MALRD1: variants seen among roughly 807,000 people sequenced by gnomAD.
The protein encoded by MALRD1 is MAM and LDL receptor class A domain containing 1.
In MALRD1, 247 loss-of-function variants were observed where a neutral mutation model predicts 242.1. The observed-to-expected ratio is 1.02, with a 90% CI of 0.92 to 1.13. MALRD1 has a LOEUF of 1.13. Ranked by LOEUF, MALRD1 falls within the 50% of genes most tolerant of loss-of-function variation. The pLI, the probability that MALRD1 is intolerant of heterozygous loss-of-function variation, is 0.00. For synonymous variants in MALRD1, 995 were observed against 866.6 expected, an observed-to-expected ratio of 1.15 and a Z score of -2.60; for missense variants, 2,989 against 2,533.1, an observed-to-expected ratio of 1.18 and a Z score of -3.86.
At position 19,734,198 on chromosome 10, in the gene MALRD1, A is replaced by G. The variant is rs1339104795; in HGVS notation, c.6432A>G (p.Thr2144=). The part of the protein sequence containing the change: ...YSFSNPLYGT[T]SGSLETLSHH... ...TCTCAAACCCATTATATGGCACAAC[A>G]TCAGGAAGCCTGGAGACCCTGTCAC... is the stretch of plus-strand genomic sequence containing the variant. Residue 2144 remains threonine (T), a synonymous_variant, in exon 40 of 40, where the codon ACA becomes ACG. Coordinates refer to ENST00000454679, the MANE Select transcript of MALRD1 (RefSeq NM_001142308.3). 6.5e-7 allele frequency: 1 copy of G among 1,535,904 alleles called. No individual in the cohort carries two copies. The highest frequency in any genetic ancestry group is 1.4e-5 in the African/African-American group (1 of 73,038).
intron 11 of MALRD1, among the ~76,000 whole-genome samples, chr10:19,154,268 A>G (rs1019866805): frequency 2.2e-4 from 34 of 152,206 alleles, no homozygotes; most frequent in African/African-American, 7.5e-4. Context: ...ATAAAATAAT[A>G]CATTCTAATT....
intron 33 of MALRD1, among the ~76,000 whole-genome samples, chr10:19,592,952 C>G (rs1837894171): frequency 6.6e-6 from 1 of 150,872 alleles, no homozygotes; most frequent in Non-Finnish European, 1.5e-5. Flanking sequence ...TTTGCTAAAT[C>G]TTTTCAACCT....
intron 19 of MALRD1, among the ~76,000 whole-genome samples, chr10:19,271,938 A>G (rs1384173163): frequency 1.3e-5 from 2 of 152,192 alleles, no homozygotes; most frequent in African/African-American, 4.8e-5. Context: ...AATCAGCAAG[A>G]AAAACACTGG....
intron 26 of MALRD1, 149 bp from the exon 27 acceptor site, chr10:19,387,377 GGA>G (rs1415508772): frequency 1.9e-4 from 153 of 823,560 alleles, no homozygotes; most frequent in Non-Finnish European, 2.3e-4. Context: ...GAGCAGAGTG[GGA>G]GAGAGAGAGA....
At chr10:19,597,715 G>T (rs74122016) in intron 34 of MALRD1, among the ~76,000 whole-genome samples, 1 of 152,166 alleles carries the variant, frequency 6.6e-6, no homozygotes, top group African/African-American at 2.4e-5. Flanking sequence ...AAGGAGGCTA[G>T]TCAGTGAAAG....
At chr10:19,050,367 G>C (rs1834455615) in intron 1 of MALRD1, among the ~76,000 whole-genome samples, 1 of 151,296 alleles carries the variant, frequency 6.6e-6, no homozygotes, top group African/African-American at 2.4e-5. Context: ...GATTACAGGC[G>C]TGAGCCACCG....
intron 21 of MALRD1, among the ~76,000 whole-genome samples, chr10:19,289,496 G>T (rs561359268): frequency 6.6e-6 from 1 of 152,224 alleles, no homozygotes; most frequent in South Asian, 2.1e-4. Flanking sequence ...AATGCTTAAT[G>T]GTCAGATAAT....
chr10:19,224,054 A>G (rs945377845), intron 18 of MALRD1, among the ~76,000 whole-genome samples: 1 of 152,036 alleles, frequency 6.6e-6, no homozygotes, highest in Non-Finnish European at 1.5e-5. Context: ...AATCCTTTGG[A>G]TGTGTACCTA....
chr10:19,538,182 C>G (rs1834772139), intron 32 of MALRD1, among the ~76,000 whole-genome samples: 1 of 152,072 alleles, frequency 6.6e-6, no homozygotes, highest in South Asian at 2.1e-4. Context: ...CCAAACTATG[C>G]TGATTTATCT....
intron 28 of MALRD1, among the ~76,000 whole-genome samples, chr10:19,397,902 T>C (rs1846658548): frequency 6.6e-6 from 1 of 151,228 alleles, no homozygotes; most frequent in African/African-American, 2.5e-5. Context: ...CCCTGATGAT[T>C]AGTGATGCCG....
At chr10:19,640,143 G>A (rs988753128) in intron 36 of MALRD1, among the ~76,000 whole-genome samples, 2 of 152,132 alleles carry the variant, frequency 1.3e-5, no homozygotes, top group Non-Finnish European at 2.9e-5. Context: ...AGGCTGGAGT[G>A]CAGTGGCCCT....
intron 32 of MALRD1, among the ~76,000 whole-genome samples, chr10:19,548,230 C>T (rs1271367801): frequency 6.6e-6 from 1 of 151,756 alleles, no homozygotes; most frequent in Non-Finnish European, 1.5e-5. Context: ...AACTCCTGAC[C>T]TCAGGTGATT....
intron 38 of MALRD1, among the ~76,000 whole-genome samples, chr10:19,693,789 C>G (rs1325471294): frequency 6.6e-6 from 1 of 152,136 alleles, no homozygotes; most frequent in Non-Finnish European, 1.5e-5. Context: ...GGCAAAAGAA[C>G]AAAGCTGGAG....
chr10:19,313,806 C>A (rs1191934117), intron 21 of MALRD1, among the ~76,000 whole-genome samples: 1 of 151,406 alleles, frequency 6.6e-6, no homozygotes, highest in East Asian at 1.9e-4. Flanking sequence ...GAATGTCATA[C>A]AATATTGAAA....
intron 36 of MALRD1, among the ~76,000 whole-genome samples, chr10:19,658,316 A>G (rs535128503): frequency 7.2e-5 from 11 of 152,276 alleles, no homozygotes; most frequent in African/African-American, 2.4e-4. Context: ...TGTGGTAACA[A>G]TGTTTGCCTT....
intron 14 of MALRD1, among the ~76,000 whole-genome samples, chr10:19,201,578 TAAG>T (rs1352276457): frequency 6.6e-6 from 1 of 152,198 alleles, no homozygotes; most frequent in Admixed American, 6.5e-5. Flanking sequence ...TTGTCTGAAA[TAAG>T]AATCAAAAGC....
intron 12 of MALRD1, among the ~76,000 whole-genome samples, chr10:19,162,063 CAAA>C (rs1359764677): frequency 2.1e-4 from 32 of 151,976 alleles, no homozygotes; most frequent in Admixed American, 1.8e-3. Flanking sequence ...ACAACAACAA[CAAA>C]AACAAAACCA....
intron 36 of MALRD1, among the ~76,000 whole-genome samples, chr10:19,653,569 G>A (rs763623574): frequency 6.6e-6 from 1 of 150,754 alleles, no homozygotes; most frequent in African/African-American, 2.5e-5. Context: ...AAGTTTCTAT[G>A]TCCTCTTGTG....
At chr10:19,200,645 G>GTTTTTTTTTTTTTTTTTT (rs71387053) in intron 14 of MALRD1, among the ~76,000 whole-genome samples, 1 of 69,450 alleles carries the variant, frequency 1.4e-5, no homozygotes, top group East Asian at 6.9e-4. Flanking sequence ...CCTGCTTGAG[G>GTTTTTTTTTTTTTTTTTT]TTTTTTTTTT....
Sources: gnomAD v4.1 joint callset for allele counts (sites outside exome capture counted in the v4.1 genomes callset) on GRCh38, gnomAD v4.1.1 for gene constraint, MANE v1.5 for transcripts, NCBI Gene and HGNC (gene_info 2026-07-23, HGNC 2026-07-21) for gene names.